ASIC5: variants seen among roughly 807,000 people sequenced by gnomAD.
ASIC5 encodes bile acid-sensitive ion channel.
A neutral mutation model predicts 51.2 loss-of-function variants in ASIC5; 52 were observed. The ratio of observed to expected loss-of-function variants is 1.02; its 90% CI spans 0.81 to 1.28. The LOEUF is 1.28. ASIC5 is among the 50% of genes most tolerant of loss of function. The pLI is 0.00. For synonymous variants in ASIC5, 231 were observed against 200.7 expected, an observed-to-expected ratio of 1.15 and a Z score of -1.28; for missense variants, 635 against 595.0, an observed-to-expected ratio of 1.07 and a Z score of -0.70.
chr4:155,830,889 T>TC (rs757406629), intron 9 of ASIC5, among the ~76,000 whole-genome samples: 4 of 152,184 alleles, frequency 2.6e-5, no homozygotes, highest in Non-Finnish European at 5.9e-5. Context: ...TTAGGACCAT[T>TC]CCGTTTTTGT....
chr4:155,864,843 A>G (rs1202676012), intron 1 of ASIC5: 1 of 152,124 alleles, frequency 6.6e-6, no homozygotes, highest in Non-Finnish European at 1.5e-5. Flanking sequence ...AGGAATTTTA[A>G]AAAGCTTTAA....
intron 2 of ASIC5, among the ~76,000 whole-genome samples, chr4:155,859,592 C>T (rs1741642103): frequency 6.6e-6 from 1 of 152,036 alleles, no homozygotes. Context: ...TGTCCAGTTT[C>T]TAACTTGGTA....
intron 1 of ASIC5, chr4:155,864,816 T>C (rs1741820517): frequency 6.6e-6 from 1 of 152,180 alleles, no homozygotes; most frequent in Admixed American, 6.6e-5. Context: ...GGTGATGTGG[T>C]AAATAGTAAA....
intron 7 of ASIC5, among the ~76,000 whole-genome samples, chr4:155,838,488 A>T (rs1741043364): frequency 6.6e-6 from 1 of 152,200 alleles, no homozygotes; most frequent in Non-Finnish European, 1.5e-5. Flanking sequence ...TTATTTTTAC[A>T]TGATTTCCTT....
intron 4 of ASIC5, among the ~76,000 whole-genome samples, chr4:155,851,302 G>C (rs768798988): frequency 3.7e-4 from 56 of 151,888 alleles, no homozygotes; most frequent in Non-Finnish European, 2.1e-4. Flanking sequence ...ATGTTTGGAC[G>C]TAAAGAAAAA....
intron 2 of ASIC5, among the ~76,000 whole-genome samples, chr4:155,856,129 C>G (rs1741531714): frequency 6.6e-6 from 1 of 152,054 alleles, no homozygotes; most frequent in South Asian, 2.1e-4. Context: ...CACATTCTTT[C>G]TATAATCTCA....
At chr4:155,843,922 G>A (rs544947475) in intron 4 of ASIC5, 92 bp from the exon 5 acceptor site, 12 of 1,113,738 alleles carry the variant, frequency 1.1e-5, no homozygotes, top group Admixed American at 2.0e-5. Context: ...TCATGATAGC[G>A]TTTGACTAAT....
chr4:155,831,914 C>T lies in ASIC5; in HGVS notation c.1237G>A (p.Glu413Lys). 6.6e-7 allele frequency: 1 copy of T among 1,509,524 alleles called. No individual in the cohort carries two copies. The highest frequency in any genetic ancestry group is 9.2e-7 in the Non-Finnish European group (1 of 1,091,026). The allele number at this position is 1,509,524 out of a possible 1,614,324, so 93.5% of individuals were successfully genotyped here. ...TTAATTTCAATTTTTACAAGATTCT[C>T]CCTAGGGATAAAAAAGAGAGTTAAT... ...KLNQSRKYIR[E>K]NLVKIEINYS... is the part of the protein sequence containing the mutation. Residue 413 changes from glutamate to lysine, a missense_variant and splice_region_variant, in exon 9 of 10, where the codon GAG becomes AAG. Physicochemically the swap from Glu to Lys is moderately conservative, Grantham distance 56. Transcript: ENST00000537611.
At chr4:155,847,524 C>T (rs1741282626) in intron 4 of ASIC5, among the ~76,000 whole-genome samples, 1 of 151,954 alleles carries the variant, frequency 6.6e-6, no homozygotes, top group Admixed American at 6.6e-5. Context: ...AGTTCCAGAC[C>T]AGCCTGGCCA....
chr4:155,838,377 A>T (rs1448770078), intron 7 of ASIC5, among the ~76,000 whole-genome samples: 4 of 152,182 alleles, frequency 2.6e-5, no homozygotes, highest in Admixed American at 6.6e-5. Flanking sequence ...TTATAATTCC[A>T]TTTATGAAAA....
intron 5 of ASIC5, 92 bp downstream of exon 5, chr4:155,843,589 G>A (rs1213782060): frequency 1.4e-6 from 2 of 1,399,376 alleles, no homozygotes; most frequent in Non-Finnish European, 9.8e-7. Context: ...TGTTTTACAG[G>A]CATGGGAGAA....
At position 155,861,935 on chromosome 4, in the gene ASIC5, G is replaced by T. The variant is rs182888489; in HGVS notation, c.347+1513C>A. ...TTGTAATGACCCAATTTTAAAATATGATCATTCTGAGGTTCCAGTAGACTT... is the reference window on the plus strand; with the variant it reads ...TTGTAATGACCCAATTTTAAAATATTATCATTCTGAGGTTCCAGTAGACTT... On this transcript the variant is annotated intron_variant, in intron 2 of 9. Coordinates refer to ENST00000537611, the MANE Select transcript of ASIC5 (RefSeq NM_017419.3). Among the ~76,000 whole-genome samples the T allele has an allele frequency of 1.7e-3, 259 of 152,072 alleles. 1 individual carries two copies. The highest frequency in any genetic ancestry group is 0.01 in the Middle Eastern group (3 of 294).
chr4:155,863,122 C>T (rs944625717), intron 2 of ASIC5, among the ~76,000 whole-genome samples: 26 of 152,150 alleles, frequency 1.7e-4, no homozygotes, highest in African/African-American at 5.8e-4. Flanking sequence ...GCAGGTGGAT[C>T]GCTTCAGCCT....
chr4:155,852,062 G>A (rs1741393187), intron 4 of ASIC5, 129 bp downstream of exon 4: 2 of 1,104,244 alleles, frequency 1.8e-6, no homozygotes, highest in Non-Finnish European at 2.6e-6. Flanking sequence ...TAGGAGTCTA[G>A]ACTAAATTAA....
chr4:155,851,143 A>G (rs1025794816), intron 4 of ASIC5, among the ~76,000 whole-genome samples: 2 of 152,048 alleles, frequency 1.3e-5, no homozygotes, highest in South Asian at 4.1e-4. Context: ...TGTTCATTGC[A>G]TTCTAAAAAT....
Position 155,863,707 on chromosome 4 carries a change from A to T in ASIC5, c.88T>A (p.Ser30Thr), listed in dbSNP as rs1433967884. ...TCAAACTTCTTTCGCTCAGTGGGAGATGGCAGTGGTTTCTTTGAAAGGCAA... is the reference window on the plus strand; with the variant it reads ...TCAAACTTCTTTCGCTCAGTGGGAGTTGGCAGTGGTTTCTTTGAAAGGCAA... ...KLCLSKKPLP[S>T]PTERKKFDHD... Residue 30 changes from serine (S) to threonine (T), a missense_variant, in exon 2 of 10, where the codon TCT (serine) becomes ACT (threonine). By Grantham distance (58) the Ser-to-Thr change is moderately conservative (BLOSUM62 1). Coordinates refer to ENST00000537611, the MANE Select transcript of ASIC5 (RefSeq NM_017419.3). 1 of 1,613,892 alleles carries T rather than the reference A, an allele frequency of 6.2e-7. No homozygotes were observed.
chr4:155,843,541 G>T, intron 5 of ASIC5, 140 bp downstream of exon 5: 1 of 916,716 alleles, frequency 1.1e-6, no homozygotes, highest in Non-Finnish European at 1.7e-6. Context: ...TCAGATAAAG[G>T]AAAATAATCT....
At chr4:155,852,936 G>A (rs1019140217) in intron 3 of ASIC5, among the ~76,000 whole-genome samples, 4 of 151,048 alleles carry the variant, frequency 2.6e-5, no homozygotes, top group African/African-American at 9.9e-5. Flanking sequence ...TTGGTGAGGT[G>A]TGGGGAGAAC....
At chr4:155,861,571 G>A (rs1282842119) in intron 2 of ASIC5, among the ~76,000 whole-genome samples, 1 of 151,740 alleles carries the variant, frequency 6.6e-6, no homozygotes, top group Non-Finnish European at 1.5e-5. Flanking sequence ...AATCTAAATT[G>A]TGTCTCCTGC....
Sources: gnomAD v4.1 joint callset for allele counts (sites outside exome capture counted in the v4.1 genomes callset) on GRCh38, gnomAD v4.1.1 for gene constraint, MANE v1.5 for transcripts, NCBI Gene and HGNC (gene_info 2026-07-23, HGNC 2026-07-21) for gene names.